Variants in NCALD observed in about 807,000 individuals in gnomAD.
The protein encoded by NCALD is neurocalcin delta, also known as neurocalcin-delta.
A neutral mutation model predicts 18.6 loss-of-function variants in NCALD; 10 were observed. The observed-to-expected ratio is 0.54, with a 90% confidence interval of 0.33 to 0.91. The LOEUF (loss-of-function observed/expected upper bound fraction) is 0.91. Ranked by LOEUF, NCALD falls within the 40% of genes least tolerant of loss-of-function variation. The pLI is 0.03. For synonymous variants in NCALD, 88 were observed against 87.4 expected, an observed-to-expected ratio of 1.01 and a Z score of -0.04; for missense variants, 184 against 247.6, an observed-to-expected ratio of 0.74 and a Z score of 1.72.
intron 3 of NCALD, among the ~76,000 whole-genome samples, chr8:101,912,004 G>T (rs1563889616): frequency 6.6e-6 from 1 of 152,034 alleles, no homozygotes; most frequent in Non-Finnish European, 1.5e-5. Flanking sequence ...AGAACAATCA[G>T]GAAAAATATA....
chr8:101,840,173 G>A (rs1814585629), intron 4 of NCALD, among the ~76,000 whole-genome samples: 1 of 151,632 alleles, frequency 6.6e-6, no homozygotes, highest in Non-Finnish European at 1.5e-5. Context: ...ATTCCTGTGA[G>A]GATCCTAGGT....
intron 2 of NCALD, among the ~76,000 whole-genome samples, chr8:101,715,364 A>G (rs1586284051): frequency 6.6e-6 from 1 of 152,142 alleles, no homozygotes; most frequent in East Asian, 1.9e-4. Context: ...AAAACCTAAA[A>G]CCATAAAAAC....
chr8:101,981,027 T>C (rs973955567), intron 2 of NCALD, among the ~76,000 whole-genome samples: 1 of 152,224 alleles, frequency 6.6e-6, no homozygotes, highest in African/African-American at 2.4e-5. Context: ...ATCTGGAAGA[T>C]AAGTACAGTT....
chr8:101,837,265 C>T (rs1364356395), intron 4 of NCALD, among the ~76,000 whole-genome samples: 1 of 151,734 alleles, frequency 6.6e-6, no homozygotes, highest in African/African-American at 2.4e-5. Context: ...TGGTTGATGC[C>T]ATTCCTGATC....
rs561533300 is a variant in NCALD at position 102,030,006 on chromosome 8, C to A, written c.-209-9717G>T. Among the ~76,000 whole-genome samples the A allele has an allele frequency of 2.2e-3, 329 of 152,284 alleles. 1 individual carries two copies. Among genetic ancestry groups the A allele is most frequent in the African/African-American group, 7.5e-3 (313 of 41,550 alleles). On this transcript the variant is annotated intron_variant, in intron 1 of 6. Coordinates refer to the NCALD transcript ENST00000311028. ...ATACTTGTCTAGACAAGAGCACATG[C>A]CTCCTAAAAGAATAAGTTATTCTAG...
chr8:101,692,792 G>C lies in NCALD; in HGVS notation c.483C>G (p.Asp161Glu). 6.2e-7 allele frequency: 1 copy of C among 1,610,828 alleles called. No individual in the cohort carries two copies. The highest frequency in any genetic ancestry group is 8.5e-7 in the Non-Finnish European group (1 of 1,177,350). Residue 161 changes from aspartate (D) to glutamate (E), a missense_variant and splice_region_variant, in exon 3 of 4, where the codon GAC becomes GAG. By Grantham distance (45) the Asp-to-Glu change is conservative. Coordinates refer to ENST00000220931, the MANE Select transcript of NCALD (RefSeq NM_032041.3). ...AGCAGTGTAGCCCCCGCCTCCTACC[G>C]TCTCTATTGGTGTCCATCTGGCGGA... ...KIFRQMDTNR[D>E]GKLSLEEFIR...
At chr8:101,710,867 C>T (rs768023025) in intron 2 of NCALD, among the ~76,000 whole-genome samples, 6 of 152,230 alleles carry the variant, frequency 3.9e-5, no homozygotes, top group Non-Finnish European at 7.3e-5. Context: ...TCCTGCCTGA[C>T]AGCTCTGAAG....
chr8:101,764,548 G>A (rs1014824787), intron 1 of NCALD, among the ~76,000 whole-genome samples: 3 of 152,196 alleles, frequency 2.0e-5, no homozygotes, highest in Non-Finnish European at 4.4e-5. Flanking sequence ...GAAGTCAGAG[G>A]TAATGAGTAC....
intron 4 of NCALD, among the ~76,000 whole-genome samples, chr8:101,803,505 T>C (rs1812945171): frequency 1.3e-5 from 2 of 152,212 alleles, no homozygotes; most frequent in Admixed American, 1.3e-4. Context: ...TCTTATTATT[T>C]AAGAAGTGCA....
chr8:101,837,284 CACTGAGACCA>C (rs1431734499), intron 4 of NCALD, among the ~76,000 whole-genome samples: 1 of 142,278 alleles, frequency 7.0e-6, no homozygotes, highest in East Asian at 1.9e-4. Flanking sequence ...TCTGTAAACC[CACTGAGACCA>C]AAACAGAGTC....
intron 4 of NCALD, among the ~76,000 whole-genome samples, chr8:101,867,375 T>C (rs1815816685): frequency 6.6e-6 from 1 of 152,214 alleles, no homozygotes; most frequent in Non-Finnish European, 1.5e-5. Context: ...TATTCACCGC[T>C]TTCCCCCCAG....
intron 2 of NCALD, among the ~76,000 whole-genome samples, chr8:101,947,345 C>T (rs1162205357): frequency 6.6e-6 from 1 of 152,188 alleles, no homozygotes; most frequent in Non-Finnish European, 1.5e-5. Context: ...CCTGGGAAAA[C>T]TTCACCAGAG....
intron 3 of NCALD, among the ~76,000 whole-genome samples, chr8:101,892,903 T>A (rs1248915220): frequency 6.7e-6 from 1 of 149,610 alleles, no homozygotes; most frequent in Non-Finnish European, 1.5e-5. Flanking sequence ...TACCAGAAAG[T>A]GATGGGGAGA....
At chr8:101,804,587 T>G (rs1458578099) in intron 4 of NCALD, among the ~76,000 whole-genome samples, 2 of 130,858 alleles carry the variant, frequency 1.5e-5, no homozygotes, top group East Asian at 4.1e-4. Context: ...ATTAATTATA[T>G]AATATATAAT....
chr8:101,748,906 G>A (rs1810537677), intron 1 of NCALD, among the ~76,000 whole-genome samples: 1 of 152,196 alleles, frequency 6.6e-6, no homozygotes, highest in South Asian at 2.1e-4. Context: ...CAAGGCCAGG[G>A]GGTGTGTGAG....
intron 1 of NCALD, among the ~76,000 whole-genome samples, chr8:102,089,472 G>A (rs1824853372): frequency 6.6e-6 from 1 of 151,934 alleles, no homozygotes; most frequent in Admixed American, 6.6e-5. Flanking sequence ...ATCTTCTTCT[G>A]TCTGTATATT....
intron 2 of NCALD, among the ~76,000 whole-genome samples, chr8:102,008,574 A>G (rs1821791329): frequency 6.6e-6 from 1 of 152,030 alleles, no homozygotes; most frequent in Non-Finnish European, 1.5e-5. Flanking sequence ...TGTCCTCCTT[A>G]TACCAGAAGG....
intron 1 of NCALD, among the ~76,000 whole-genome samples, chr8:102,032,337 T>A (rs985492256): frequency 6.6e-6 from 1 of 152,022 alleles, no homozygotes; most frequent in Non-Finnish European, 1.5e-5. Context: ...TGTAACCAGA[T>A]GATGATAGCG....
intron 2 of NCALD, among the ~76,000 whole-genome samples, chr8:101,967,018 T>C (rs148423592): frequency 2.6e-4 from 40 of 152,334 alleles, no homozygotes; most frequent in Non-Finnish European, 5.4e-4. Flanking sequence ...TACGTGTGTG[T>C]GTTCAGCAGT....
Sources: gnomAD v4.1 joint callset for allele counts (sites outside exome capture counted in the v4.1 genomes callset) on GRCh38, gnomAD v4.1.1 for gene constraint, MANE v1.5 for transcripts, NCBI Gene and HGNC (gene_info 2026-07-23, HGNC 2026-07-21) for gene names.